PAPPA2: variants seen among roughly 807,000 people sequenced by gnomAD.
PAPPA2 encodes the protein pappalysin-2.
Under a neutral mutation model 176.4 loss-of-function variants are expected in PAPPA2, and 86 were observed. That is an observed-to-expected ratio of 0.49 (90% CI 0.41 to 0.58). The LOEUF is 0.58. Among genes scored for constraint, PAPPA2 ranks in the 20% least tolerant of loss-of-function variants. The probability of loss-of-function intolerance (pLI) is 0.00; values close to 1 mark genes in which losing one functional copy is unlikely to be tolerated. For synonymous variants in PAPPA2, 809 were observed against 852.2 expected, an observed-to-expected ratio of 0.95 and a Z score of 0.88; for missense variants, 2,073 against 2,256.9, an observed-to-expected ratio of 0.92 and a Z score of 1.65.
At chr1:176,648,575 T>G (rs184258843) in intron 3 of PAPPA2, among the ~76,000 whole-genome samples, 1 of 151,796 alleles carries the variant, frequency 6.6e-6, no homozygotes, top group East Asian at 1.9e-4. Context: ...GAGTTTATCA[T>G]ATATGGCTTT....
intron 12 of PAPPA2, among the ~76,000 whole-genome samples, chr1:176,721,540 G>C (rs545921095): frequency 7.0e-4 from 106 of 152,186 alleles, no homozygotes; most frequent in Non-Finnish European, 1.2e-3. Context: ...GATATCTTTG[G>C]TACAAAATTC....
At position 176,556,590 on chromosome 1, in the gene PAPPA2, C is replaced by T. The variant is rs2102590409; in HGVS notation, c.268C>T (p.His90Tyr). The change falls in exon 2 of 23, where the codon CAT (histidine) becomes TAT (tyrosine). Residue 90 changes from histidine (H) to tyrosine (Y), a missense_variant. This residue lies in a region of PAPPA2 where 1,196 missense variants were observed against 1,330.4 expected (regional missense o/e 0.90). Transcript: ENST00000367662. ...CTACCCCGTGGGGGAGCAAGAAATC[C>T]ATCATACAGGACGCAGCAAACCAGA... The part of the protein sequence containing the change: ...RPYPVGEQEI[H>Y]HTGRSKPDTE... The T allele has an allele frequency of 6.2e-7, 1 of 1,614,208 alleles. No individual in the cohort carries two copies. Among genetic ancestry groups the T allele is most frequent in the East Asian group, 2.2e-5 (1 of 44,874 alleles).
rs538669630 is a variant in PAPPA2 at position 176,483,871 on chromosome 1, A to G, written c.-917+20453A>G. On this transcript the variant is annotated intron_variant, in intron 1 of 22. Coordinates refer to ENST00000367662, the MANE Select transcript of PAPPA2 (RefSeq NM_020318.3). ...TGGGGAGAAGCTGCAACTCGTCCACAATGGCTCCTGAGGGGAGGGCTTTCC... is the reference window on the plus strand; with the variant it reads ...TGGGGAGAAGCTGCAACTCGTCCACGATGGCTCCTGAGGGGAGGGCTTTCC... 2.4e-4 allele frequency among the ~76,000 whole-genome samples: 37 copies of G among 152,280 alleles called. 1 individual carries two copies. The South Asian group carries it at 7.0e-3, about 29-fold the overall frequency.
intron 2 of PAPPA2, among the ~76,000 whole-genome samples, chr1:176,590,280 G>A (rs1042598317): frequency 2.0e-5 from 3 of 152,108 alleles, no homozygotes; most frequent in Non-Finnish European, 4.4e-5. Context: ...ACTCAAACTG[G>A]TTCATCAGAG....
At chr1:176,544,808 G>A (rs1465870357) in intron 1 of PAPPA2, among the ~76,000 whole-genome samples, 2 of 152,098 alleles carry the variant, frequency 1.3e-5, no homozygotes, top group Non-Finnish European at 2.9e-5. Context: ...TCCCTCTTTA[G>A]GTTCAATCAT....
At chr1:176,832,288 T>A (rs1167298481) in intron 21 of PAPPA2, among the ~76,000 whole-genome samples, 1 of 152,178 alleles carries the variant, frequency 6.6e-6, no homozygotes, top group Non-Finnish European at 1.5e-5. Flanking sequence ...GTTAAGAAAT[T>A]TTCTCAGATT....
chr1:176,649,121 G>A (rs1657568408), intron 3 of PAPPA2, among the ~76,000 whole-genome samples: 1 of 151,224 alleles, frequency 6.6e-6, no homozygotes, highest in Non-Finnish European at 1.5e-5. Flanking sequence ...ACTTGTTATT[G>A]GTTTGTTGAG....
At chr1:176,575,290 A>G (rs1652580198) in intron 2 of PAPPA2, among the ~76,000 whole-genome samples, 1 of 152,198 alleles carries the variant, frequency 6.6e-6, no homozygotes, top group Non-Finnish European at 1.5e-5. Context: ...AGAAATGGAA[A>G]TGGTCAGTGG....
intron 1 of PAPPA2, among the ~76,000 whole-genome samples, chr1:176,550,147 A>G (rs1440214125): frequency 1.3e-5 from 2 of 152,184 alleles, no homozygotes; most frequent in African/African-American, 4.8e-5. Flanking sequence ...AATGCATTTG[A>G]AATTGTTTCT....
chr1:176,682,985 T>C (rs903624814), intron 4 of PAPPA2, among the ~76,000 whole-genome samples: 3 of 151,714 alleles, frequency 2.0e-5, no homozygotes, highest in African/African-American at 7.3e-5. Flanking sequence ...TCAACCAATA[T>C]CCTTTTCTCA....
At chr1:176,800,197 T>C in intron 21 of PAPPA2, 65 bp downstream of exon 21, 1 of 1,513,966 alleles carries the variant, frequency 6.6e-7, no homozygotes, top group South Asian at 1.1e-5. Context: ...TTATGGAGCT[T>C]GAATCCTTCT....
At chr1:176,519,194 C>G (rs530046666) in intron 1 of PAPPA2, among the ~76,000 whole-genome samples, 4 of 152,260 alleles carry the variant, frequency 2.6e-5, no homozygotes, top group African/African-American at 9.6e-5. Context: ...AGACATAATC[C>G]TGCTCTTTAT....
chr1:176,473,206 TCCTAACCCCTGA>T, intron 1 of PAPPA2, among the ~76,000 whole-genome samples: 1 of 152,286 alleles, frequency 6.6e-6, no homozygotes, highest in East Asian at 1.9e-4. Context: ...CTAACCCCTG[TCCTAACCCCTGA>T]CAACCACTTA....
At chr1:176,498,621 G>A (rs1263073074) in intron 1 of PAPPA2, among the ~76,000 whole-genome samples, 2 of 151,854 alleles carry the variant, frequency 1.3e-5, no homozygotes, top group Non-Finnish European at 2.9e-5. Flanking sequence ...GTGGTGGCGG[G>A]CGCCTGTAGT....
At chr1:176,610,157 C>CT (rs1654829563) in intron 3 of PAPPA2, among the ~76,000 whole-genome samples, 1 of 152,090 alleles carries the variant, frequency 6.6e-6, no homozygotes, top group South Asian at 2.1e-4. Context: ...GTCCTCTCTA[C>CT]TGTACTCTGC....
In PAPPA2 at chr1:176,607,116, A is replaced by G. The variant is rs1654659980; in HGVS notation, c.1991+11521A>G. Among the ~76,000 whole-genome samples the G allele has an allele frequency of 2.6e-5, 4 of 151,552 alleles. No individual in the cohort carries two copies. The South Asian group carries it at 8.4e-4, about 32-fold the overall frequency. On this transcript the variant is annotated intron_variant, in intron 3 of 22. Coordinates refer to ENST00000367662, the MANE Select transcript of PAPPA2 (RefSeq NM_020318.3). ...AACATTTTATGTATTGATTGGGTGCATGTGATATTTTGTTACATGTATAGA... is the reference window on the plus strand; with the variant it reads ...AACATTTTATGTATTGATTGGGTGCGTGTGATATTTTGTTACATGTATAGA...
intron 17 of PAPPA2, among the ~76,000 whole-genome samples, chr1:176,788,543 G>A (rs1177094614): frequency 6.6e-6 from 1 of 152,218 alleles, no homozygotes; most frequent in Admixed American, 6.5e-5. Flanking sequence ...CTGTAACCAG[G>A]AGTGTTTTTC....
At chr1:176,505,115 T>G (rs959474075) in intron 1 of PAPPA2, among the ~76,000 whole-genome samples, 1 of 152,108 alleles carries the variant, frequency 6.6e-6, no homozygotes, top group African/African-American at 2.4e-5. Context: ...TTGTCTTTCC[T>G]AATTCCTTCC....
chr1:176,828,719 A>G (rs1014970081), intron 21 of PAPPA2, among the ~76,000 whole-genome samples: 18 of 152,098 alleles, frequency 1.2e-4, no homozygotes, highest in African/African-American at 4.3e-4. Flanking sequence ...AACACTAACA[A>G]AAGGCCGGGC....
Sources: allele counts gnomAD v4.1 joint callset (sites outside exome capture counted in the v4.1 genomes callset), GRCh38; gene constraint gnomAD v4.1.1; regional missense constraint gnomAD v4.1.1; transcripts MANE v1.5; gene names NCBI Gene and HGNC (gene_info 2026-07-23, HGNC 2026-07-21).